Variants in C16orf96 observed in about 807,000 individuals in gnomAD.
The protein encoded by C16orf96 is chromosome 16 open reading frame 96.
A neutral mutation model predicts 103.6 loss-of-function variants in C16orf96; 108 were observed. The ratio of observed to expected loss-of-function variants is 1.04; its 90% CI spans 0.89 to 1.22. The LOEUF is 1.22. Ranked by LOEUF, C16orf96 falls within the 50% of genes most tolerant of loss-of-function variation. The pLI, the probability that C16orf96 is intolerant of heterozygous loss-of-function variation, is 0.00. For missense variants in C16orf96, 1,586 were observed against 1,464.2 expected, an observed-to-expected ratio of 1.08 and a Z score of -1.36; for synonymous variants, 566 against 593.5, an observed-to-expected ratio of 0.95 and a Z score of 0.67.
chr16:4,581,268 G>A (rs1407724914), intron 7 of C16orf96, among the ~76,000 whole-genome samples: 1 of 148,970 alleles, frequency 6.7e-6, no homozygotes, highest in Non-Finnish European at 1.5e-5. Flanking sequence ...CCGGGAGGTG[G>A]AGGTTGCACT....
Position 4,556,691 on chromosome 16 carries a change from C to A in C16orf96, c.202C>A (p.Gln68Lys), listed in dbSNP as rs926280117. ...VVIMPREGDAQPILNPMKRLS... is the reference protein window; with the variant it reads ...VVIMPREGDAKPILNPMKRLS... ...CATCATGCCCAGGGAAGGAGACGCC[C>A]AGCCTATCCTCAACCCCATGAAGAG... Residue 68 changes from glutamine to lysine, a missense_variant, in exon 1 of 16, where the codon CAG (glutamine) becomes AAG (lysine). Physicochemically the swap from Gln to Lys is moderately conservative, Grantham distance 53. Transcript: ENST00000444310. 1 of 1,551,438 alleles carries A rather than the reference C, an allele frequency of 6.4e-7. No homozygotes were observed. Among genetic ancestry groups the A allele is most frequent in the Non-Finnish European group, 8.7e-7 (1 of 1,146,840 alleles).
intron 8 of C16orf96, 98 bp downstream of exon 8, chr16:4,587,211 T>TC: frequency 8.6e-7 from 1 of 1,163,674 alleles, no homozygotes; most frequent in Non-Finnish European, 1.2e-6. Flanking sequence ...AGAATTTCCC[T>TC]CCCCCTTTGT....
the C16orf96 span, among the ~76,000 whole-genome samples, chr16:4,550,274 A>G: frequency 1.3e-5 from 2 of 152,092 alleles, no homozygotes; most frequent in South Asian, 4.1e-4. Context: ...TAGTAGAGAC[A>G]GGGTTTCATC....
At chr16:4,579,201 CG>C (rs869309386) in intron 6 of C16orf96, among the ~76,000 whole-genome samples, 176 bp downstream of exon 6, 4 of 18,910 alleles carry the variant, frequency 2.1e-4, no homozygotes, top group Non-Finnish European at 1.2e-3. Flanking sequence ...TTCACTGGTG[CG>C]GTGGGGGGGC....
At chr16:4,582,796 G>C (rs1896822710) in intron 7 of C16orf96, among the ~76,000 whole-genome samples, 1 of 152,202 alleles carries the variant, frequency 6.6e-6, no homozygotes. Context: ...GGGGTGAGCA[G>C]GGGCTGCAGT....
chr16:4,552,750 T>C (rs1305792132), upstream of C16orf96, among the ~76,000 whole-genome samples: 1 of 152,034 alleles, frequency 6.6e-6, no homozygotes, highest in Non-Finnish European at 1.5e-5. Flanking sequence ...TGCCAAACAG[T>C]TTTCCAAAGT....
chr16:4,597,297 C>T (rs918505684), intron 14 of C16orf96, among the ~76,000 whole-genome samples: 4 of 152,146 alleles, frequency 2.6e-5, no homozygotes, highest in Non-Finnish European at 5.9e-5. Context: ...ACCCCGACTT[C>T]GTGCCAGGCC....
chr16:4,582,755 G>A (rs914828371), intron 7 of C16orf96, among the ~76,000 whole-genome samples: 3 of 152,228 alleles, frequency 2.0e-5, no homozygotes, highest in South Asian at 2.1e-4. Flanking sequence ...CATGTCCATC[G>A]TGCACCCAGC....
At chr16:4,595,860 C>A (rs1482843909) in intron 14 of C16orf96, among the ~76,000 whole-genome samples, 2 of 152,048 alleles carry the variant, frequency 1.3e-5, no homozygotes, top group Non-Finnish European at 2.9e-5. Flanking sequence ...GCACGCACCA[C>A]CACGCCCGGC....
At chr16:4,557,967 G>C (rs937462191) in intron 1 of C16orf96, among the ~76,000 whole-genome samples, 5 of 152,210 alleles carry the variant, frequency 3.3e-5, no homozygotes, top group African/African-American at 1.2e-4. Flanking sequence ...ACTGTGCTCA[G>C]CCTTACCCCA....
In C16orf96 at chr16:4,576,529, C is replaced by G. The variant is rs374671207; in HGVS notation, c.2049C>G (p.Val683=). 1.1e-5 allele frequency: 17 copies of G among 1,551,242 alleles called. No homozygotes were observed. The highest frequency in any genetic ancestry group is 7.0e-6 in the Non-Finnish European group (8 of 1,146,864). ...AMSPEDKKRA[V]KYSMSHIAQI... ...GCCCTGAAGACAAGAAGAGGGCTGT[C>G]AAGTATTCCATGAGCCACATAGCCC... The change falls in exon 5 of 16, where the codon GTC becomes GTG. Residue 683 remains valine, a synonymous_variant. Transcript: ENST00000444310.
Position 4,574,967 on chromosome 16 carries a change from T to C in C16orf96, c.607-5T>C. The C allele has an allele frequency of 6.4e-7, 1 of 1,551,292 alleles. No individual in the cohort carries two copies. The highest frequency in any genetic ancestry group is 8.7e-7 in the Non-Finnish European group (1 of 1,146,892). ...CAGCCCTCATTTTCTACCCCCACCT[T>C]GCAGGCTTCTCTCCAGAATAAGTTT... On this transcript the variant is annotated splice_polypyrimidine_tract_variant and splice_region_variant and intron_variant, in intron 3 of 15. Transcript: ENST00000444310.
At chr16:4,552,009 G>T (rs550516132), upstream of C16orf96, among the ~76,000 whole-genome samples, 1 of 152,112 alleles carries the variant, frequency 6.6e-6, no homozygotes, top group South Asian at 2.1e-4. Flanking sequence ...GAGAATATGC[G>T]GTGTTTGGTT....
At position 4,586,121 on chromosome 16, in the gene C16orf96, G is replaced by A. The variant is rs1488868725; in HGVS notation, c.2353-918G>A. 3.3e-5 allele frequency among the ~76,000 whole-genome samples: 5 copies of A among 152,160 alleles called. 1 individual carries two copies. Among genetic ancestry groups the A allele is most frequent in the Admixed American group, 1.3e-4 (2 of 15,266 alleles). On this transcript the variant is annotated intron_variant, in intron 7 of 15. Transcript: ENST00000444310. ...CTAAAAATACAAAACTTAGCCAGGC[G>A]TGGTGTTGGGTGTCAGTGACCCCAA... is the stretch of plus-strand genomic sequence containing the variant.
chr16:4,591,665 G>A lies in C16orf96; in HGVS notation c.2593-1G>A, dbSNP rs1897061890. 1.9e-6 allele frequency: 3 copies of A among 1,549,520 alleles called. No individual in the cohort carries two copies. Among genetic ancestry groups the A allele is most frequent in the Non-Finnish European group, 2.6e-6 (3 of 1,145,036 alleles). On this transcript the variant is annotated splice_acceptor_variant, in intron 9 of 15. Transcript: ENST00000444310. LOFTEE classifies it high-confidence loss of function. ...CTTATCTTCCCCTTGGCTGTTGGCA[G>A]TTAGTCCACAGTGATCTGGATCCCT... is the stretch of plus-strand genomic sequence containing the variant.
At chr16:4,555,526 C>T (rs2141684639), upstream of C16orf96, among the ~76,000 whole-genome samples, 1 of 151,874 alleles carries the variant, frequency 6.6e-6, no homozygotes, top group South Asian at 2.1e-4. Context: ...GCACGTGCCA[C>T]CACGCCTGGC....
At chr16:4,599,163 C>G (rs1042928459) in intron 14 of C16orf96, 121 bp from the exon 15 acceptor site, 2 of 786,116 alleles carry the variant, frequency 2.5e-6, no homozygotes, top group Non-Finnish European at 4.3e-6. Context: ...AAGGAATGGA[C>G]CGGGGAGCCT....
Position 4,576,303 on chromosome 16 carries a change from C to G in C16orf96, c.1823C>G (p.Ala608Gly), listed in dbSNP as rs1466373199. The G allele has an allele frequency of 1.3e-6, 2 of 1,550,706 alleles. No homozygotes were observed. Among genetic ancestry groups the G allele is most frequent in the African/African-American group, 2.7e-5 (2 of 73,070 alleles). ...DAPATKMAAI[A>G]TDTAAAGPLG... Reference sequence around the variant, plus strand: ...CCAGCCACCAAAATGGCCGCCATTGCAACAGACACGGCTGCAGCTGGGCCC... The same window carrying G: ...CCAGCCACCAAAATGGCCGCCATTGGAACAGACACGGCTGCAGCTGGGCCC... The change falls in exon 5 of 16, where the codon GCA (alanine) becomes GGA (glycine). Residue 608 changes from alanine to glycine, a missense_variant. Transcript: ENST00000444310.
At chr16:4,596,314 G>A (rs1401269538) in intron 14 of C16orf96, among the ~76,000 whole-genome samples, 2 of 152,016 alleles carry the variant, frequency 1.3e-5, no homozygotes, top group African/African-American at 2.4e-5. Flanking sequence ...GTGAAACCTC[G>A]TCTGTACTGA....
Sources: allele counts gnomAD v4.1 joint callset (sites outside exome capture counted in the v4.1 genomes callset), GRCh38; gene constraint gnomAD v4.1.1; transcripts MANE v1.5; gene names NCBI Gene and HGNC (gene_info 2026-07-23, HGNC 2026-07-21).